FASTKD1: variants seen among roughly 807,000 people sequenced by gnomAD.
FASTKD1 encodes the protein FAST kinase domains 1.
In FASTKD1, 94 loss-of-function variants were observed where a neutral mutation model predicts 90.9. The observed-to-expected ratio is 1.03, with a 90% CI of 0.88 to 1.23. The LOEUF is 1.23. Ranked by LOEUF, FASTKD1 falls within the 50% of genes most tolerant of loss-of-function variation. The pLI is 0.00. For synonymous variants in FASTKD1, 319 were observed against 345.8 expected (o/e 0.92, Z 0.86); for missense variants, 945 against 993.5 (o/e 0.95, Z 0.66).
chr2:169,563,376 A>G, intron 3 of FASTKD1, 26 bp from the exon 4 acceptor site: 1 of 1,504,104 alleles, frequency 6.6e-7, no homozygotes. Flanking sequence ...TACAAAGGAG[A>G]ACATTAGTAT....
At chr2:169,560,329 G>C in intron 5 of FASTKD1, 58 bp downstream of exon 5, 4 of 1,393,882 alleles carry the variant, frequency 2.9e-6, no homozygotes, top group Non-Finnish European at 3.9e-6. Flanking sequence ...GGAGACCTAA[G>C]CTTGAAGGCT....
At chr2:169,568,250 T>G (rs1253089932) in intron 3 of FASTKD1, among the ~76,000 whole-genome samples, 1 of 152,158 alleles carries the variant, frequency 6.6e-6, no homozygotes, top group Non-Finnish European at 1.5e-5. Context: ...ATGGCCTTCC[T>G]CTCTAATAAA....
At chr2:169,560,833 T>C (rs753060790) in intron 4 of FASTKD1, 48 bp from the exon 5 acceptor site, 13 of 551,916 alleles carry the variant, frequency 2.4e-5, no homozygotes, top group Non-Finnish European at 3.1e-5. Flanking sequence ...TTAAGAATGA[T>C]CAATTCTTTT....
chr2:169,546,389 G>GTTTCC lies in FASTKD1; in HGVS notation c.1525_1529dup (p.Asn510LysfsTer13), dbSNP rs1262284488. 6.2e-7 allele frequency: 1 copy of GTTTCC among 1,614,116 alleles called. No homozygotes were observed. Among genetic ancestry groups the GTTTCC allele is most frequent in the Non-Finnish European group, 8.5e-7 (1 of 1,179,996 alleles). Reference sequence around the variant, plus strand: ...CTTCAAGAAGTGACTCAGGAAACGTGTTTCCTTTGAGAGATTTAAGTTCCT... The same window carrying GTTTCC: ...CTTCAAGAAGTGACTCAGGAAACGTGTTTCCTTTCCTTTGAGAGATTTAAGTTCCT... On this transcript the variant is annotated frameshift_variant, in exon 8 of 15. Coordinates refer to ENST00000453153, the MANE Select transcript of FASTKD1 (RefSeq NM_024622.6). LOFTEE classifies it high-confidence loss of function.
intron 1 of FASTKD1, chr2:169,573,290 G>C (rs1684309834): frequency 6.6e-6 from 1 of 152,244 alleles, no homozygotes; most frequent in Non-Finnish European, 1.5e-5. Flanking sequence ...ACCTGCACAA[G>C]AAAACCCTGC....
Position 169,569,221 on chromosome 2 carries a change from C to A in FASTKD1, c.409G>T (p.Glu137Ter). ...FAGEAHDPLVEALVTEAWRRL... is the reference protein window; with the variant it reads ...FAGEAHDPLV ...CTCCATGCTTCTGTAACTAGTGCTT[C>A]AACTAGCGGGTCATGGGCCTCACCA... Residue 137 changes from glutamate (E) to a stop codon, truncating the protein, a stop_gained, in exon 3 of 15, where the codon GAA becomes TAA. Coordinates refer to ENST00000453153, the MANE Select transcript of FASTKD1 (RefSeq NM_024622.6). LOFTEE classifies it high-confidence loss of function. 1 of 1,614,046 alleles carries A rather than the reference C, an allele frequency of 6.2e-7. No individual in the cohort carries two copies. Among genetic ancestry groups the A allele is most frequent in the Non-Finnish European group, 8.5e-7 (1 of 1,180,008 alleles).
intron 7 of FASTKD1, among the ~76,000 whole-genome samples, chr2:169,554,037 T>C (rs1019178059): frequency 2.7e-5 from 4 of 149,788 alleles, no homozygotes; most frequent in African/African-American, 7.4e-5. Flanking sequence ...CCCGTGAGTT[T>C]GAAGATGTGG....
At chr2:169,569,366 G>C in intron 2 of FASTKD1, 114 bp from the exon 3 acceptor site, 1 of 961,012 alleles carries the variant, frequency 1.0e-6, no homozygotes, top group Non-Finnish European at 1.6e-6. Flanking sequence ...TCTTATACAG[G>C]CAGTCCTTAT....
At chr2:169,537,625 C>T (rs1171897354) in intron 11 of FASTKD1, among the ~76,000 whole-genome samples, 1 of 152,132 alleles carries the variant, frequency 6.6e-6, no homozygotes, top group African/African-American at 2.4e-5. Context: ...CTCAGGTGAT[C>T]TGCCCGCCTT....
At chr2:169,572,804 A>G (rs1684291536) in intron 1 of FASTKD1, among the ~76,000 whole-genome samples, 1 of 152,222 alleles carries the variant, frequency 6.6e-6, no homozygotes, top group Non-Finnish European at 1.5e-5. Flanking sequence ...TGAAACAATA[A>G]AAGAACTAAA....
At chr2:169,537,603 C>T (rs1308180610) in intron 11 of FASTKD1, among the ~76,000 whole-genome samples, 2 of 152,040 alleles carry the variant, frequency 1.3e-5, no homozygotes, top group Non-Finnish European at 2.9e-5. Flanking sequence ...AGGCTGGTCT[C>T]GAACTCCTGA....
At chr2:169,552,750 G>A (rs1012432151) in intron 7 of FASTKD1, among the ~76,000 whole-genome samples, 1 of 152,108 alleles carries the variant, frequency 6.6e-6, no homozygotes, top group African/African-American at 2.4e-5. Context: ...TCAGAAAAGG[G>A]AGGTTGGTAG....
chr2:169,532,658 C>T (rs540466937), intron 12 of FASTKD1, among the ~76,000 whole-genome samples: 10 of 150,220 alleles, frequency 6.7e-5, no homozygotes, highest in South Asian at 2.1e-4. Context: ...TAGAAAAGTT[C>T]GAAATGTGGA....
intron 7 of FASTKD1, among the ~76,000 whole-genome samples, chr2:169,549,260 G>C (rs1319730784): frequency 6.6e-6 from 1 of 151,934 alleles, no homozygotes; most frequent in Non-Finnish European, 1.5e-5. Flanking sequence ...AGCCAGGTGG[G>C]GTGGCGCATG....
intron 9 of FASTKD1, among the ~76,000 whole-genome samples, chr2:169,542,066 G>A (rs1391402530): frequency 6.6e-6 from 1 of 151,982 alleles, no homozygotes; most frequent in African/African-American, 2.4e-5. Flanking sequence ...ATCCAAAATA[G>A]CACTCCATCT....
intron 4 of FASTKD1, among the ~76,000 whole-genome samples, chr2:169,561,837 TAAATTATTTATTAATTTATTG>T: frequency 6.9e-6 from 1 of 145,760 alleles, no homozygotes; most frequent in Non-Finnish European, 1.5e-5. Context: ...TAATTTATTG[TAAATTATTTATTAATTTATTG>T]TAAAATAATT....
Position 169,560,392 on chromosome 2 carries a change from C to A in FASTKD1, c.966G>T (p.Lys322Asn). Reference sequence around the variant, plus strand: ...GCATTTTAAACTGAACTTACTGTTTCTTTTCTTCAGGTCCTGCAATGGGTC... The same window carrying A: ...GCATTTTAAACTGAACTTACTGTTTATTTTCTTCAGGTCCTGCAATGGGTC... ...ALGPIAGPEEKKQLKSTMLLM... is the reference protein window; with the variant it reads ...ALGPIAGPEENKQLKSTMLLM... The change falls in exon 5 of 15, where the codon AAG (lysine) becomes AAT (asparagine). Residue 322 changes from lysine (K) to asparagine (N), a missense_variant. Coordinates refer to ENST00000453153, the MANE Select transcript of FASTKD1 (RefSeq NM_024622.6). 6.5e-7 allele frequency: 1 copy of A among 1,532,786 alleles called. No homozygotes were observed. Among genetic ancestry groups the A allele is most frequent in the Non-Finnish European group, 8.7e-7 (1 of 1,149,038 alleles). The allele number at this position is 1,532,786 out of a possible 1,614,324, so 94.9% of individuals were successfully genotyped here.
At chr2:169,530,750 GAATA>G (rs1684445973) in intron 13 of FASTKD1, 49 bp from the exon 14 acceptor site, 3 of 985,678 alleles carry the variant, frequency 3.0e-6, no homozygotes, top group East Asian at 4.9e-5. Flanking sequence ...ATAAGAAACT[GAATA>G]ATTACAAGCT....
Position 169,538,038 on chromosome 2 carries a change from G to A in FASTKD1, c.2049C>T (p.Asp683=). The A allele has an allele frequency of 6.2e-7, 1 of 1,608,494 alleles. No individual in the cohort carries two copies. Among genetic ancestry groups the A allele is most frequent in the Non-Finnish European group, 8.5e-7 (1 of 1,178,538 alleles). ...CPEFQIPWFH[D]RFCQQYNKGI... ...CTTTATTATATTGTTGACAGAAGCGGTCATGAAACCATGGAATCTGAAACT... is the reference window on the plus strand; with the variant it reads ...CTTTATTATATTGTTGACAGAAGCGATCATGAAACCATGGAATCTGAAACT... The change falls in exon 11 of 15, where the codon GAC becomes GAT. Residue 683 remains aspartate (D), a synonymous_variant. Coordinates refer to ENST00000453153, the MANE Select transcript of FASTKD1 (RefSeq NM_024622.6).
Sources: gnomAD v4.1 joint callset for allele counts (sites outside exome capture counted in the v4.1 genomes callset) on GRCh38, gnomAD v4.1.1 for gene constraint, MANE v1.5 for transcripts, NCBI Gene and HGNC (gene_info 2026-07-23, HGNC 2026-07-21) for gene names.